The following IQCH variants were observed in gnomAD, a reference collection of about 807,000 sequenced individuals.
The protein encoded by IQCH is IQ motif containing H.
Under a neutral mutation model 117.0 loss-of-function variants are expected in IQCH, and 98 were observed. The ratio of observed to expected loss-of-function variants is 0.84; its 90% confidence interval spans 0.71 to 0.99. The LOEUF (loss-of-function observed/expected upper bound fraction) is 0.99. Ranked by LOEUF, IQCH falls within the 50% of genes least tolerant of loss-of-function variation. The pLI, the probability that IQCH is intolerant of heterozygous loss-of-function variation, is 0.00. For missense variants in IQCH, 1,102 were observed against 1,243.8 expected (o/e 0.89, Z 1.72); for synonymous variants, 412 against 448.2 (o/e 0.92, Z 1.02).
intron 18 of IQCH, among the ~76,000 whole-genome samples, chr15:67,477,915 G>A (rs1461167499): frequency 6.6e-6 from 1 of 152,220 alleles, no homozygotes; most frequent in Admixed American, 6.5e-5. Context: ...CTTGGGGTAA[G>A]TAAAGCACCA....
rs2083767308 is a variant in IQCH, at chr15:67,494,993, T to A, written c.2970+627T>A. Among the ~76,000 whole-genome samples the A allele has an allele frequency of 6.6e-6, 1 of 152,158 alleles. No individual in the cohort carries two copies. The highest frequency in any genetic ancestry group is 1.5e-5 in the Non-Finnish European group (1 of 68,036). On this transcript the variant is annotated intron_variant, in intron 20 of 20. Transcript: ENST00000335894. The surrounding 1 kb of genome is among the most constrained non-coding windows in gnomAD (Gnocchi z 5.5). ...CAAACTGTAAACTACAGGAACAAGG[T>A]CTGTACGGGAGTTTCTGAAATACTG...
intron 18 of IQCH, among the ~76,000 whole-genome samples, chr15:67,489,483 T>C (rs2083588358): frequency 1.5e-5 from 1 of 66,466 alleles, no homozygotes; most frequent in African/African-American, 6.0e-5. Context: ...CTTTTCACCA[T>C]ACAACATTTC....
At position 67,490,166 on chromosome 15, in the gene IQCH, T is replaced by TAAAA; in HGVS notation, c.2861+102_2861+103insAAAA. On this transcript the variant is annotated intron_variant, in intron 19 of 20. Coordinates refer to ENST00000335894, the MANE Select transcript of IQCH (RefSeq NM_001031715.3). This position sits in a 1 kb window ranked among gnomAD's most constrained non-coding sequence, Gnocchi z 4.9. ...CATGCATTTTAATCAGCATGCTGATTTATTAGAAGTCTATCTTTATTTAGA... is the reference window on the plus strand; with the variant it reads ...CATGCATTTTAATCAGCATGCTGATTAAAATATTAGAAGTCTATCTTTATTTAGA... The TAAAA allele has an allele frequency of 2.4e-6, 2 of 823,964 alleles. No individual in the cohort carries two copies. The highest frequency in any genetic ancestry group is 4.1e-6 in the Non-Finnish European group (2 of 487,554). The allele number at this position is 823,964 out of a possible 1,614,324, so 51.0% of individuals were successfully genotyped here.
chr15:67,321,486 CTTTT>C (rs869283170), intron 4 of IQCH, among the ~76,000 whole-genome samples: 5 of 129,750 alleles, frequency 3.9e-5, no homozygotes, highest in Non-Finnish European at 6.7e-5. Context: ...TTCTTTCTTT[CTTTT>C]TCTTTCTTTT....
Position 67,494,391 on chromosome 15 carries a change from T to G in IQCH, c.2970+25T>G. ...GGTGAGGTGTTAATTAACTAACGAT[T>G]CTGGTTAATTTCTATACAAGGGCTG... On this transcript the variant is annotated intron_variant, in intron 20 of 20. Transcript: ENST00000335894. The surrounding 1 kb of genome is among the most constrained non-coding windows in gnomAD (Gnocchi z 5.5). 1 of 1,490,430 alleles carries G rather than the reference T, an allele frequency of 6.7e-7. No individual in the cohort carries two copies. Among genetic ancestry groups the G allele is most frequent in the Non-Finnish European group, 9.3e-7 (1 of 1,073,558 alleles). 92.3% of individuals were successfully genotyped at this position (1,490,430 alleles called of 1,614,324 possible). A position where few individuals can be genotyped will look rare whatever the true frequency, so the allele number is the denominator to read the frequency against.
At position 67,494,486 on chromosome 15, in the gene IQCH, T is replaced by G. The variant is rs1311497672; in HGVS notation, c.2970+120T>G. ...TTTTTATTGTAAGCAGTACATATTT[T>G]ACAGTGTGCAGGGTCAATACTGTAA... On this transcript the variant is annotated intron_variant, in intron 20 of 20. Transcript: ENST00000335894. This position sits in a 1 kb window ranked among gnomAD's most constrained non-coding sequence, Gnocchi z 5.5. 5 of 651,908 alleles carry G rather than the reference T, an allele frequency of 7.7e-6. No homozygotes were observed. Among genetic ancestry groups the G allele is most frequent in the Non-Finnish European group, 1.3e-5 (5 of 382,498 alleles). 40.4% of individuals were successfully genotyped at this position (651,908 alleles called of 1,614,324 possible). A position where few individuals can be genotyped will look rare whatever the true frequency, so the allele number is the denominator to read the frequency against.
chr15:67,451,389 C>A lies in IQCH; in HGVS notation c.2506-13738C>A, dbSNP rs1481324873. ...GCTATAAATTTCCCTCTACACACTGCTTTGAATGTGTCCCAGAGATTCTGG... is the reference window on the plus strand; with the variant it reads ...GCTATAAATTTCCCTCTACACACTGATTTGAATGTGTCCCAGAGATTCTGG... On this transcript the variant is annotated intron_variant, in intron 16 of 20. Transcript: ENST00000335894. Among the ~76,000 whole-genome samples, 1,328 of 151,942 alleles carry A rather than the reference C, an allele frequency of 8.7e-3. 23 individuals carry two copies. The highest frequency in any genetic ancestry group is 0.031 in the African/African-American group (1,271 of 41,424).
At chr15:67,410,418 C>T (rs1174244776) in intron 14 of IQCH, among the ~76,000 whole-genome samples, 6 of 152,190 alleles carry the variant, frequency 3.9e-5, no homozygotes, top group Admixed American at 6.5e-5. Flanking sequence ...GCCATCCTTA[C>T]GGTTACAAGA....
chr15:67,379,980 G>C (rs1345083473), intron 10 of IQCH, among the ~76,000 whole-genome samples: 1 of 152,102 alleles, frequency 6.6e-6, no homozygotes, highest in African/African-American at 2.4e-5. Flanking sequence ...AGCCTCCCAA[G>C]TAGCTGAAAT....
intron 6 of IQCH, 23 bp from the exon 7 acceptor site, chr15:67,357,322 A>G: frequency 6.5e-7 from 1 of 1,528,048 alleles, no homozygotes; most frequent in Non-Finnish European, 9.1e-7. Context: ...GGAAAAGGTA[A>G]CATGTACTAT....
intron 3 of IQCH, among the ~76,000 whole-genome samples, chr15:67,274,890 C>T (rs186941203): frequency 5.3e-5 from 8 of 152,228 alleles, no homozygotes; most frequent in East Asian, 3.9e-4. Flanking sequence ...AACTTAAGCC[C>T]GGATTTGTGT....
Position 67,407,771 on chromosome 15 carries a change from G to C in IQCH, c.2097+7466G>C, listed in dbSNP as rs964965833. The stretch of plus-strand genomic sequence containing the variant: ...TAGGTAATCATTGTCTACTGCAAGC[G>C]TGCTGTTTGTACCTTTTATTTTATT... On this transcript the variant is annotated intron_variant, in intron 14 of 20. Transcript: ENST00000335894. The surrounding 1 kb of genome is among the most constrained non-coding windows in gnomAD (Gnocchi z 5.3). The C allele has an allele frequency of 6.6e-6, 1 of 152,190 alleles. No homozygotes were observed. The highest frequency in any genetic ancestry group is 1.5e-5 in the Non-Finnish European group (1 of 68,036). The allele number at this position is 152,190 out of a possible 1,614,324, so 9.4% of individuals were successfully genotyped here. A position where few individuals can be genotyped will look rare whatever the true frequency, so the allele number is the denominator to read the frequency against.
intron 4 of IQCH, among the ~76,000 whole-genome samples, chr15:67,305,986 G>C (rs928287144): frequency 1.3e-5 from 2 of 151,954 alleles, no homozygotes; most frequent in African/African-American, 2.4e-5. Flanking sequence ...TTCATTTACT[G>C]TATTAAATCT....
In IQCH at chr15:67,413,268, GA is replaced by G. The variant is rs1207800039; in HGVS notation, c.2098-3662del. Among the ~76,000 whole-genome samples, 1 of 152,126 alleles carries G rather than the reference GA, an allele frequency of 6.6e-6. No individual in the cohort carries two copies. The highest frequency in any genetic ancestry group is 1.5e-5 in the Non-Finnish European group (1 of 68,032). On this transcript the variant is annotated intron_variant, in intron 14 of 20. Coordinates refer to ENST00000335894, the MANE Select transcript of IQCH (RefSeq NM_001031715.3). The surrounding 1 kb of genome is among the most constrained non-coding windows in gnomAD (Gnocchi z 5.0). Reference sequence around the variant, plus strand: ...AAACTGAGAGCTTGCATCTGACGTCGATAGACCCATTGTGGCTGTTGGGACC... The same window carrying G: ...AAACTGAGAGCTTGCATCTGACGTCGTAGACCCATTGTGGCTGTTGGGACC...
At chr15:67,340,436 A>C (rs1266154284) in intron 5 of IQCH, among the ~76,000 whole-genome samples, 74 of 118,480 alleles carry the variant, frequency 6.2e-4, no homozygotes, top group Non-Finnish European at 8.5e-4. Flanking sequence ...CAAAAAAAAA[A>C]AAAAAAAAAA....
chr15:67,273,780 T>G (rs1332819122), intron 3 of IQCH, among the ~76,000 whole-genome samples: 1 of 152,200 alleles, frequency 6.6e-6, no homozygotes, highest in Non-Finnish European at 1.5e-5. Flanking sequence ...CCTTCCAATG[T>G]TTTCTCTTTG....
chr15:67,448,086 A>G (rs1466932424), intron 16 of IQCH, among the ~76,000 whole-genome samples: 1 of 152,136 alleles, frequency 6.6e-6, no homozygotes, highest in Non-Finnish European at 1.5e-5. Context: ...ACACTTAGTC[A>G]TCATTCACAC....
chr15:67,323,239 A>ATTTTT (rs578260011), intron 4 of IQCH, among the ~76,000 whole-genome samples: 2 of 98,906 alleles, frequency 2.0e-5, no homozygotes, highest in South Asian at 3.2e-4. Flanking sequence ...TTAGGGTTAC[A>ATTTTT]TTTTTTTTTT....
rs559853523 is a variant in IQCH at position 67,259,306 on chromosome 15, T to G, written c.52-1966T>G. On this transcript the variant is annotated intron_variant, in intron 1 of 20. Coordinates refer to ENST00000335894, the MANE Select transcript of IQCH (RefSeq NM_001031715.3). ...AGTAAAGAAGGAAGAAGGATTCCAG[T>G]TCATATCTGTCAGCACCAAAGCCTA... Among the ~76,000 whole-genome samples, 16 of 152,358 alleles carry G rather than the reference T, an allele frequency of 1.1e-4. No individual in the cohort carries two copies. The South Asian group carries it at 3.3e-3, about 32-fold the overall frequency.
Sources: gnomAD v4.1 joint callset for allele counts (sites outside exome capture counted in the v4.1 genomes callset) on GRCh38, gnomAD v4.1.1 for gene constraint, Gnocchi (gnomAD v3.1) non-coding constraint, MANE v1.5 for transcripts, NCBI Gene and HGNC (gene_info 2026-07-23, HGNC 2026-07-21) for gene names.